The following BNC2 variants were observed in gnomAD, a reference collection of about 807,000 sequenced individuals.
BNC2 encodes zinc finger protein basonuclin-2.
A neutral mutation model predicts 76.3 loss-of-function variants in BNC2; 20 were observed. That is an observed-to-expected ratio of 0.26 (90% CI 0.18 to 0.38). The LOEUF is 0.38. Among genes scored for constraint, BNC2 ranks in the 10% least tolerant of loss-of-function variants. The pLI is 1.00. For synonymous variants in BNC2, 582 were observed against 514.8 expected, an observed-to-expected ratio of 1.13 and a Z score of -1.77; for missense variants, 1,382 against 1,399.8, an observed-to-expected ratio of 0.99 and a Z score of 0.20.
At chr9:16,747,159 G>A (rs183206697) in intron 1 of BNC2, among the ~76,000 whole-genome samples, 5 of 152,144 alleles carry the variant, frequency 3.3e-5, no homozygotes, top group Non-Finnish European at 4.4e-5. Flanking sequence ...TTGACATTTG[G>A]CCAAGTTAGG....
At chr9:16,693,386 G>T (rs542816508) in intron 3 of BNC2, among the ~76,000 whole-genome samples, 3 of 152,058 alleles carry the variant, frequency 2.0e-5, no homozygotes, top group East Asian at 3.9e-4. Flanking sequence ...CAATAGTCTC[G>T]GTCAGTGCCC....
chr9:16,521,408 T>C (rs1817616413), intron 5 of BNC2, among the ~76,000 whole-genome samples: 1 of 152,224 alleles, frequency 6.6e-6, no homozygotes, highest in Admixed American at 6.5e-5. Context: ...TGAGCAGCAA[T>C]GTCATGACAC....
At chr9:16,443,125 G>C (rs1821164531) in intron 5 of BNC2, among the ~76,000 whole-genome samples, 1 of 148,960 alleles carries the variant, frequency 6.7e-6, no homozygotes, top group South Asian at 2.1e-4. Flanking sequence ...TCAATCATAT[G>C]AACTTATTTT....
intron 1 of BNC2, among the ~76,000 whole-genome samples, chr9:16,770,182 C>T (rs1586869639): frequency 6.6e-6 from 1 of 152,072 alleles, no homozygotes; most frequent in African/African-American, 2.4e-5. Context: ...TCTCAGAATG[C>T]GAGGCACTGA....
chr9:16,486,017 T>A (rs1284602003), intron 5 of BNC2, among the ~76,000 whole-genome samples: 2 of 152,236 alleles, frequency 1.3e-5, no homozygotes, highest in Non-Finnish European at 2.9e-5. Context: ...TCTCTTGAGC[T>A]GATCTTAGTT....
chr9:16,745,106 T>G (rs1227997418), intron 1 of BNC2, among the ~76,000 whole-genome samples: 2 of 152,196 alleles, frequency 1.3e-5, no homozygotes, highest in African/African-American at 4.8e-5. Context: ...ATCTCTGAAG[T>G]GGAAATAAAA....
intron 2 of BNC2, among the ~76,000 whole-genome samples, chr9:16,732,264 T>C (rs778055061): frequency 1.3e-5 from 2 of 151,936 alleles, no homozygotes; most frequent in Non-Finnish European, 2.9e-5. Context: ...TTGTTTTGCA[T>C]GTATGTTTGT....
At chr9:16,435,164 A>G (rs1820980412) in intron 6 of BNC2, 1 of 422,348 alleles carries the variant, frequency 2.4e-6, no homozygotes, top group Admixed American at 3.0e-5. Flanking sequence ...CCACATGGCA[A>G]AGCAGAAATA....
chr9:16,851,716 G>A (rs1819131442), intron 1 of BNC2, among the ~76,000 whole-genome samples: 1 of 152,114 alleles, frequency 6.6e-6, no homozygotes, highest in African/African-American at 2.4e-5. Context: ...AGAAGCCAGT[G>A]AAGCATCATT....
At chr9:16,602,093 C>A (rs1243293271) in intron 3 of BNC2, among the ~76,000 whole-genome samples, 10 of 152,176 alleles carry the variant, frequency 6.6e-5, no homozygotes, top group Non-Finnish European at 1.5e-4. Context: ...CTTGCAGGAA[C>A]TAAATCCTTC....
At chr9:16,568,827 C>T (rs542644030) in intron 4 of BNC2, among the ~76,000 whole-genome samples, 14 of 152,186 alleles carry the variant, frequency 9.2e-5, no homozygotes, top group African/African-American at 3.4e-4. Flanking sequence ...TTTCTTATGA[C>T]GTGAAGTAAT....
chr9:16,504,701 G>C (rs1477419157), intron 5 of BNC2, among the ~76,000 whole-genome samples: 1 of 152,136 alleles, frequency 6.6e-6, no homozygotes. Context: ...TGTGGAACCA[G>C]CCAGGCACAG....
rs114981206 is a variant in BNC2 at position 16,757,763 on chromosome 9, G to A, written c.4-19278C>T. Among the ~76,000 whole-genome samples the A allele has an allele frequency of 6.8e-3, 1,015 of 148,994 alleles. 17 individuals carry two copies. The highest frequency in any genetic ancestry group is 0.024 in the African/African-American group (971 of 40,718). On this transcript the variant is annotated intron_variant, in intron 1 of 6. Transcript: ENST00000380672. ...ATACTTGCAAGGTCGCATCAAGTTC[G>A]TTCTGTTATTTAAAAGCAAAATTAA...
At chr9:16,530,987 C>T (rs1416641023) in intron 5 of BNC2, among the ~76,000 whole-genome samples, 4 of 152,126 alleles carry the variant, frequency 2.6e-5, no homozygotes, top group African/African-American at 7.2e-5. Flanking sequence ...AGGCATATTA[C>T]GAAACTTGCC....
chr9:16,452,908 C>T (rs1157926281), intron 5 of BNC2, among the ~76,000 whole-genome samples: 1 of 152,166 alleles, frequency 6.6e-6, no homozygotes, highest in Non-Finnish European at 1.5e-5. Context: ...CTTTAGGGAT[C>T]TGGCCTACAG....
intron 1 of BNC2, among the ~76,000 whole-genome samples, chr9:16,815,269 T>C (rs551956801): frequency 6.6e-5 from 10 of 152,280 alleles, no homozygotes; most frequent in Middle Eastern, 6.8e-3. Context: ...TCAGATATGG[T>C]AAGCTGTCTA....
intron 5 of BNC2, among the ~76,000 whole-genome samples, chr9:16,458,523 C>T (rs1391659890): frequency 1.3e-5 from 2 of 152,178 alleles, no homozygotes; most frequent in African/African-American, 4.8e-5. Flanking sequence ...ATATACCCTA[C>T]TTATTTATAG....
chr9:16,576,593 T>C (rs1200874528), intron 4 of BNC2, among the ~76,000 whole-genome samples: 1 of 152,226 alleles, frequency 6.6e-6, no homozygotes, highest in African/African-American at 2.4e-5. Flanking sequence ...TGAACTTTCA[T>C]AGGACAAAAT....
chr9:16,443,064 C>CAAAAAAAAA (rs908689709), intron 5 of BNC2, among the ~76,000 whole-genome samples: 3 of 63,660 alleles, frequency 4.7e-5, no homozygotes, highest in Non-Finnish European at 6.8e-5. Flanking sequence ...GAGACTCTGT[C>CAAAAAAAAA]AAAAAAAAAA....
Sources: allele counts gnomAD v4.1 joint callset (sites outside exome capture counted in the v4.1 genomes callset), GRCh38; gene constraint gnomAD v4.1.1; transcripts MANE v1.5; gene names NCBI Gene and HGNC (gene_info 2026-07-23, HGNC 2026-07-21).